The following ABAT variants were observed in gnomAD, a reference collection of about 807,000 sequenced individuals.
ABAT encodes the protein 4-aminobutyrate aminotransferase.
Under a neutral mutation model 64.6 loss-of-function variants are expected in ABAT, and 45 were observed. The observed-to-expected ratio is 0.70, with a 90% confidence interval of 0.55 to 0.89. The LOEUF (loss-of-function observed/expected upper bound fraction) is 0.89, where lower values mean the gene tolerates loss of function less well. Ranked by LOEUF, ABAT falls within the 40% of genes least tolerant of loss-of-function variation. ABAT has a pLI of 0.00. For missense variants in ABAT, 633 were observed against 658.4 expected (o/e 0.96, Z 0.42); for synonymous variants, 297 against 250.5 (o/e 1.19, Z -1.75).
chr16:8,748,462 G>A (rs991855433), intron 4 of ABAT, among the ~76,000 whole-genome samples: 34 of 152,064 alleles, frequency 2.2e-4, no homozygotes, highest in African/African-American at 8.2e-4. Context: ...GTATGGTCTA[G>A]CCTGGAGAAT....
At chr16:8,674,922 CCCTTCCT>C (rs2057159652) in intron 1 of ABAT, among the ~76,000 whole-genome samples, 1 of 152,152 alleles carries the variant, frequency 6.6e-6, no homozygotes, top group Non-Finnish European at 1.5e-5. Flanking sequence ...CAGAAATGGG[CCCTTCCT>C]CCTGGCTCCA....
At chr16:8,758,270 C>T (rs1462291786) in intron 6 of ABAT, among the ~76,000 whole-genome samples, 8 of 152,106 alleles carry the variant, frequency 5.3e-5, no homozygotes, top group Admixed American at 1.3e-4. Flanking sequence ...CTAGTGGAGG[C>T]GCTGAGAATA....
At chr16:8,708,681 G>A (rs2058004230) in intron 1 of ABAT, among the ~76,000 whole-genome samples, 1 of 152,202 alleles carries the variant, frequency 6.6e-6, no homozygotes, top group Non-Finnish European at 1.5e-5. Context: ...TGACTGACAT[G>A]TAATAAATAT....
At position 8,709,934 on chromosome 16, in the gene ABAT, G is replaced by C. The variant is rs533139839; in HGVS notation, c.-41-25765G>C. Among the ~76,000 whole-genome samples the C allele has an allele frequency of 3.9e-5, 6 of 152,052 alleles. 1 individual carries two copies. Among genetic ancestry groups the C allele is most frequent in the African/African-American group, 1.4e-4 (6 of 41,484 alleles). On this transcript the variant is annotated intron_variant, in intron 1 of 15. Transcript: ENST00000268251. Reference sequence around the variant, plus strand: ...CCATCCTCCCTCCGCCGCCTGAGTAGCTGGGACTACAGACGTATGCTGCCA... The same window carrying C: ...CCATCCTCCCTCCGCCGCCTGAGTACCTGGGACTACAGACGTATGCTGCCA...
chr16:8,764,232 A>T lies in ABAT; in HGVS notation c.447+83A>T. ...AAAAGTGGAGACGCCAACAATGAAG[A>T]ATAAGGTGTTGCTACAGAAATCTTT... On this transcript the variant is annotated intron_variant, in intron 7 of 15. Coordinates refer to ENST00000268251, the MANE Select transcript of ABAT (RefSeq NM_020686.6). This position sits in a 1 kb window ranked among gnomAD's most constrained non-coding sequence, Gnocchi z 4.2. The T allele has an allele frequency of 8.9e-7, 1 of 1,129,798 alleles. No homozygotes were observed. Among genetic ancestry groups the T allele is most frequent in the Non-Finnish European group, 1.3e-6 (1 of 747,114 alleles). 70.0% of individuals were successfully genotyped at this position (1,129,798 alleles called of 1,614,324 possible).
chr16:8,676,808 A>G (rs945277212), intron 1 of ABAT, among the ~76,000 whole-genome samples: 7 of 152,126 alleles, frequency 4.6e-5, no homozygotes, highest in Non-Finnish European at 8.8e-5. Context: ...GCCCCTGCCC[A>G]CGCCCTCTGG....
chr16:8,688,222 T>C (rs2057502162), intron 1 of ABAT, among the ~76,000 whole-genome samples: 1 of 152,146 alleles, frequency 6.6e-6, no homozygotes, highest in East Asian at 1.9e-4. Context: ...TACAAGACAC[T>C]GGGTAACACT....
At chr16:8,745,568 G>C (rs774512476) in intron 2 of ABAT, among the ~76,000 whole-genome samples, 4 of 151,968 alleles carry the variant, frequency 2.6e-5, no homozygotes, top group African/African-American at 4.8e-5. Context: ...ATGGTGGTGC[G>C]TGCCTGTAAT....
intron 1 of ABAT, among the ~76,000 whole-genome samples, chr16:8,695,385 G>A (rs1259027844): frequency 6.6e-6 from 1 of 152,172 alleles, no homozygotes; most frequent in East Asian, 1.9e-4. Context: ...CCCAATGATT[G>A]TAAAGATTGT....
Position 8,755,799 on chromosome 16 carries a change from C to T in ABAT, c.317-1958C>T, listed in dbSNP as rs1459063139. On this transcript the variant is annotated intron_variant, in intron 5 of 15. Transcript: ENST00000268251. ...GTACGGTGACTACCGCCTGTAATCC[C>T]AGCACTTTGGGAGGCCGAGGTGGGT... Among the ~76,000 whole-genome samples the T allele has an allele frequency of 2.0e-5, 3 of 151,688 alleles. No individual in the cohort carries two copies. The East Asian group carries it at 5.8e-4, about 30-fold the overall frequency.
intron 1 of ABAT, chr16:8,683,531 A>G (rs1386761388): frequency 6.9e-6 from 1 of 144,162 alleles, no homozygotes; most frequent in Non-Finnish European, 1.5e-5. Flanking sequence ...AGCCTGGGCA[A>G]CATAGTGGAA....
intron 5 of ABAT, among the ~76,000 whole-genome samples, chr16:8,754,459 G>A (rs1435779765): frequency 1.3e-5 from 2 of 152,096 alleles, no homozygotes; most frequent in Non-Finnish European, 2.9e-5. Context: ...CTCAGGCATG[G>A]ACAGTTATAT....
At chr16:8,681,192 T>C (rs1175934813) in intron 1 of ABAT, among the ~76,000 whole-genome samples, 2 of 152,230 alleles carry the variant, frequency 1.3e-5, no homozygotes, top group South Asian at 2.1e-4. Context: ...AGTCTCCCTA[T>C]GTAGCCCAGG....
intron 1 of ABAT, among the ~76,000 whole-genome samples, chr16:8,719,475 T>A (rs1322419038): frequency 6.6e-6 from 1 of 152,206 alleles, no homozygotes; most frequent in African/African-American, 2.4e-5. Flanking sequence ...TTTCACAGGC[T>A]GGGTAACTAC....
intron 1 of ABAT, among the ~76,000 whole-genome samples, chr16:8,705,830 C>G (rs896603800): frequency 1.4e-4 from 21 of 152,142 alleles, no homozygotes; most frequent in African/African-American, 4.8e-4. Flanking sequence ...GTTTCATAGT[C>G]CAAATGATGC....
intron 1 of ABAT, chr16:8,715,087 C>T (rs934210123): frequency 6.6e-6 from 1 of 152,392 alleles, no homozygotes; most frequent in Middle Eastern, 3.4e-3. Context: ...TCTGACATCA[C>T]ATGTCCAACC....
At chr16:8,680,988 T>A (rs1359558336) in intron 1 of ABAT, among the ~76,000 whole-genome samples, 1 of 151,458 alleles carries the variant, frequency 6.6e-6, no homozygotes, top group African/African-American at 2.4e-5. Flanking sequence ...TTATCTATTT[T>A]TTTTTTTGAG....
At chr16:8,714,513 T>C (rs1267375806) in intron 1 of ABAT, 1 of 152,240 alleles carries the variant, frequency 6.6e-6, no homozygotes, top group South Asian at 2.1e-4. Context: ...TCATTTTGAA[T>C]TTTTTCCCAG....
At chr16:8,741,479 G>A (rs969692591) in intron 2 of ABAT, among the ~76,000 whole-genome samples, 3 of 152,172 alleles carry the variant, frequency 2.0e-5, no homozygotes, top group African/African-American at 7.2e-5. Flanking sequence ...CTTCTGTAAT[G>A]TAAGAATAAT....
Sources: gnomAD v4.1 joint callset for allele counts (sites outside exome capture counted in the v4.1 genomes callset) on GRCh38, gnomAD v4.1.1 for gene constraint, Gnocchi (gnomAD v3.1) non-coding constraint, MANE v1.5 for transcripts, NCBI Gene and HGNC (gene_info 2026-07-23, HGNC 2026-07-21) for gene names.